Variants in COL26A1 observed in about 807,000 individuals in gnomAD.
COL26A1 encodes the protein collagen type XXVI alpha 1 chain, also known as collagen alpha-1(XXVI) chain.
COL26A1 carries 41 observed loss-of-function variants against 59.3 expected under a neutral mutation model. The ratio of observed to expected loss-of-function variants is 0.69; its 90% CI spans 0.54 to 0.90. COL26A1 has a LOEUF of 0.90. Ranked by LOEUF, COL26A1 falls within the 40% of genes least tolerant of loss-of-function variation. The pLI is 0.00. For synonymous variants in COL26A1, 266 were observed against 256.0 expected, an observed-to-expected ratio of 1.04 and a Z score of -0.37; for missense variants, 612 against 602.3, an observed-to-expected ratio of 1.02 and a Z score of -0.17.
chr7:101,470,096 CTTTTTTTTTGTTTTTT>C, intron 3 of COL26A1, among the ~76,000 whole-genome samples: 1 of 148,878 alleles, frequency 6.7e-6, no homozygotes, highest in East Asian at 2.0e-4. Flanking sequence ...AATGGATTGC[CTTTTTTTTTGTTTTTT>C]TTTTTTTTTC....
chr7:101,375,493 C>T (rs1039026076), intron 1 of COL26A1, among the ~76,000 whole-genome samples: 6 of 151,122 alleles, frequency 4.0e-5, no homozygotes, highest in South Asian at 2.1e-4. Context: ...ACCAGGAGTT[C>T]GAGACCAGCC....
intron 1 of COL26A1, among the ~76,000 whole-genome samples, chr7:101,379,514 C>A (rs1457610811): frequency 6.6e-6 from 1 of 152,194 alleles, no homozygotes; most frequent in Admixed American, 6.5e-5. Context: ...ATCCTTCCTG[C>A]CTCAGGGCCT....
intron 3 of COL26A1, among the ~76,000 whole-genome samples, chr7:101,527,260 C>A (rs748465698): frequency 7.9e-5 from 12 of 152,028 alleles, no homozygotes; most frequent in Non-Finnish European, 1.6e-4. Flanking sequence ...CATGAGCCAC[C>A]CCACCTGGCC....
chr7:101,520,662 A>ACACACACACC (rs915256077), intron 3 of COL26A1, among the ~76,000 whole-genome samples: 2,672 of 143,300 alleles, frequency 0.019, 88 homozygotes, highest in African/African-American at 0.064. Context: ...ACACACACAC[A>ACACACACACC]CCCCCGTGTT....
intron 1 of COL26A1, among the ~76,000 whole-genome samples, chr7:101,402,033 A>G (rs1163376649): frequency 6.6e-6 from 1 of 152,080 alleles, no homozygotes; most frequent in Non-Finnish European, 1.5e-5. Context: ...GGTTTATTTC[A>G]TTCTCCCCTG....
chr7:101,363,546 G>T (rs1432004717), intron 1 of COL26A1, among the ~76,000 whole-genome samples: 2 of 145,404 alleles, frequency 1.4e-5, no homozygotes, highest in Admixed American at 1.4e-4. Flanking sequence ...GGGGCGGCGG[G>T]GGTTGGGGGC....
In COL26A1 at chr7:101,421,794, T is replaced by G. The variant is rs182740862; in HGVS notation, c.281+1695T>G. On this transcript the variant is annotated intron_variant, in intron 2 of 12. Transcript: ENST00000313669. ...TTTACATGTATGTTGTGGGGAGACA[T>G]TTTAAACCTATACGAACATCCTGTT... Among the ~76,000 whole-genome samples the G allele has an allele frequency of 4.8e-3, 726 of 152,312 alleles. 3 individuals are homozygous for G. The highest frequency in any genetic ancestry group is 7.7e-3 in the Non-Finnish European group (522 of 68,032).
intron 10 of COL26A1, chr7:101,553,119 G>A (rs1250210132): frequency 9.8e-6 from 5 of 508,750 alleles, no homozygotes; most frequent in African/African-American, 1.9e-5. Context: ...TCCCTGCCAT[G>A]CCAGGCTGAG....
At chr7:101,397,125 C>T (rs938406668) in intron 1 of COL26A1, among the ~76,000 whole-genome samples, 5 of 152,152 alleles carry the variant, frequency 3.3e-5, no homozygotes, top group South Asian at 4.1e-4. Flanking sequence ...TGTCCCTCCC[C>T]GGCAGAACCA....
intron 2 of COL26A1, among the ~76,000 whole-genome samples, chr7:101,430,231 G>C (rs1792747254): frequency 6.6e-6 from 1 of 151,964 alleles, no homozygotes; most frequent in African/African-American, 2.4e-5. Context: ...ATTGTCAGTG[G>C]TATTTTTTGG....
chr7:101,475,554 CA>C (rs1230881699), intron 3 of COL26A1, among the ~76,000 whole-genome samples: 1 of 151,978 alleles, frequency 6.6e-6, no homozygotes, highest in African/African-American at 2.4e-5. Flanking sequence ...TATTCACACA[CA>C]AAGGGTGAGG....
intron 3 of COL26A1, among the ~76,000 whole-genome samples, chr7:101,499,271 T>C (rs1041037963): frequency 1.3e-5 from 2 of 152,132 alleles, no homozygotes; most frequent in African/African-American, 4.8e-5. Flanking sequence ...GCTGGGCACA[T>C]TGGCCCACAT....
chr7:101,465,857 C>T (rs1482343859), intron 3 of COL26A1, among the ~76,000 whole-genome samples: 3 of 152,178 alleles, frequency 2.0e-5, no homozygotes, highest in Admixed American at 2.0e-4. Context: ...AACAGAGAAT[C>T]TCATCTTCTG....
At chr7:101,534,455 C>T (rs531898777) in intron 4 of COL26A1, among the ~76,000 whole-genome samples, 1 of 152,146 alleles carries the variant, frequency 6.6e-6, no homozygotes, top group African/African-American at 2.4e-5. Flanking sequence ...GGCACCTGTG[C>T]ACACACATCT....
intron 3 of COL26A1, among the ~76,000 whole-genome samples, chr7:101,507,878 G>A (rs907574277): frequency 9.2e-5 from 14 of 152,042 alleles, no homozygotes; most frequent in Non-Finnish European, 1.3e-4. Context: ...TAGCACCGCC[G>A]CTGGTCCCTG....
chr7:101,439,527 C>T (rs1009986491), intron 2 of COL26A1, among the ~76,000 whole-genome samples: 1 of 119,180 alleles, frequency 8.4e-6, no homozygotes, highest in Non-Finnish European at 1.6e-5. Context: ...GCACTCCAGC[C>T]TGGGCGACAG....
chr7:101,502,430 C>CT (rs560605158), intron 3 of COL26A1, among the ~76,000 whole-genome samples: 145 of 152,306 alleles, frequency 9.5e-4, no homozygotes, highest in Non-Finnish European at 1.7e-3. Flanking sequence ...CTTCCAAAGC[C>CT]TTTGAGGTCA....
intron 3 of COL26A1, among the ~76,000 whole-genome samples, chr7:101,483,494 C>G (rs1034932333): frequency 6.6e-6 from 1 of 151,728 alleles, no homozygotes; most frequent in African/African-American, 2.4e-5. Context: ...CTGTGCCCAG[C>G]CTTTTTAATT....
intron 1 of COL26A1, among the ~76,000 whole-genome samples, chr7:101,398,159 G>A (rs1003864060): frequency 2.0e-5 from 3 of 152,146 alleles, no homozygotes; most frequent in African/African-American, 7.2e-5. Context: ...CTATTCCACT[G>A]CAGGAATCCC....
Sources: gnomAD v4.1 joint callset for allele counts (sites outside exome capture counted in the v4.1 genomes callset) on GRCh38, gnomAD v4.1.1 for gene constraint, MANE v1.5 for transcripts, NCBI Gene and HGNC (gene_info 2026-07-23, HGNC 2026-07-21) for gene names.